FAM53A: variants seen among roughly 807,000 people sequenced by gnomAD.
FAM53A encodes the protein protein FAM53A.
A neutral mutation model predicts 26.6 loss-of-function variants in FAM53A; 28 were observed. That is an observed-to-expected ratio of 1.05 (90% CI 0.78 to 1.45). FAM53A has a LOEUF of 1.45. FAM53A is among the 40% of genes most tolerant of loss of function. The pLI is 0.00. For synonymous variants in FAM53A, 290 were observed against 253.1 expected, an observed-to-expected ratio of 1.15 and a Z score of -1.38; for missense variants, 650 against 575.8, an observed-to-expected ratio of 1.13 and a Z score of -1.32.
chr4:1,658,371 A>C (rs1713571737), intron 2 of FAM53A, among the ~76,000 whole-genome samples: 2 of 152,202 alleles, frequency 1.3e-5, no homozygotes, highest in African/African-American at 2.4e-5. Context: ...CTGCTCCTGA[A>C]GCTCAGGCCC....
At chr4:1,656,370 G>A (rs1489410032) in intron 3 of FAM53A, among the ~76,000 whole-genome samples, 2 of 152,238 alleles carry the variant, frequency 1.3e-5, no homozygotes, top group East Asian at 3.8e-4. Flanking sequence ...CCAGGTGCAT[G>A]GGCCTGGCAT....
the FAM53A span, among the ~76,000 whole-genome samples, chr4:1,588,582 T>A: frequency 6.6e-6 from 1 of 152,278 alleles, no homozygotes; most frequent in African/African-American, 2.4e-5. Context: ...CTTCCACCAA[T>A]GCCAGTAAGG....
intron 1 of FAM53A, among the ~76,000 whole-genome samples, chr4:1,670,500 G>A (rs1306263702): frequency 6.6e-6 from 1 of 152,220 alleles, no homozygotes; most frequent in East Asian, 1.9e-4. Context: ...CCTGACGGGT[G>A]CCACCCACCC....
chr4:1,595,868 C>T, the FAM53A span, among the ~76,000 whole-genome samples: 1 of 152,146 alleles, frequency 6.6e-6, no homozygotes, highest in African/African-American at 2.4e-5. Flanking sequence ...GAGGAGAGTC[C>T]CACCCCAGAG....
chr4:1,623,731 G>A (rs550474086), intron 1 of FAM53A, among the ~76,000 whole-genome samples: 16 of 152,376 alleles, frequency 1.1e-4, no homozygotes, highest in South Asian at 1.0e-3. Context: ...TGCGGCCGCC[G>A]CGGATCGGAC....
the FAM53A span, among the ~76,000 whole-genome samples, chr4:1,590,998 ATAT>A: frequency 8.0e-6 from 1 of 125,522 alleles, no homozygotes; most frequent in Non-Finnish European, 1.6e-5. Flanking sequence ...ATATATATAT[ATAT>A]AATCATTCTA....
intron 4 of FAM53A, among the ~76,000 whole-genome samples, chr4:1,651,905 G>A (rs1192733141): frequency 6.6e-6 from 1 of 151,786 alleles, no homozygotes; most frequent in Non-Finnish European, 1.5e-5. Context: ...CACACAGCGG[G>A]GGTTTCTCCT....
At chr4:1,627,843 GCT>G (rs1312599362) in intron 1 of FAM53A, among the ~76,000 whole-genome samples, 1 of 151,950 alleles carries the variant, frequency 6.6e-6, no homozygotes, top group Non-Finnish European at 1.5e-5. Context: ...GGGGCCTGGA[GCT>G]TGAGCCATGA....
intron 2 of FAM53A, among the ~76,000 whole-genome samples, chr4:1,667,127 CA>C (rs570780273): frequency 1.7e-3 from 215 of 130,054 alleles, no homozygotes; most frequent in Middle Eastern, 4.0e-3. Context: ...GACTCCATCT[CA>C]AAAAAAAAAA....
chr4:1,668,148 C>CTT lies in FAM53A; in HGVS notation c.75+517_75+518dup, dbSNP rs71167745. On this transcript the variant is annotated intron_variant, in intron 2 of 4. Transcript: ENST00000308132. Reference sequence around the variant, plus strand: ...TTTTTTTAAATAGCAAGTCAAGGCTCTTTTTTTTTTTGAGACGGAGTCTCG... The same window carrying CTT: ...TTTTTTTAAATAGCAAGTCAAGGCTCTTTTTTTTTTTTTGAGACGGAGTCTCG... Among the ~76,000 whole-genome samples the CTT allele has an allele frequency of 2.6e-3, 383 of 147,976 alleles. 2 individuals are homozygous for CTT. Among genetic ancestry groups the CTT allele is most frequent in the Middle Eastern group, 7.1e-3 (2 of 280 alleles).
intron 1 of FAM53A, among the ~76,000 whole-genome samples, chr4:1,626,627 G>A (rs1345368183): frequency 6.7e-6 from 1 of 148,834 alleles, no homozygotes; most frequent in Non-Finnish European, 1.5e-5. Flanking sequence ...GGGGGACCCG[G>A]GACAGTGTAA....
chr4:1,674,922 C>A (rs1441566866), intron 1 of FAM53A, among the ~76,000 whole-genome samples: 1 of 152,182 alleles, frequency 6.6e-6, no homozygotes, highest in Non-Finnish European at 1.5e-5. Context: ...TGAGGGAAGT[C>A]TGGGGAAGGA....
chr4:1,684,197 G>C (rs896695340), intron 1 of FAM53A, 36 bp downstream of exon 1: 1 of 151,748 alleles, frequency 6.6e-6, no homozygotes, highest in East Asian at 1.9e-4. Context: ...GACAAGAGAG[G>C]AGGGGGCGGC....
intron 1 of FAM53A, among the ~76,000 whole-genome samples, chr4:1,629,390 C>T (rs773205566): frequency 5.9e-5 from 9 of 152,208 alleles, no homozygotes; most frequent in Non-Finnish European, 1.0e-4. Context: ...CCAGGGAAAG[C>T]GGAGCCTGGG....
At chr4:1,683,536 A>G (rs1321541131) in intron 1 of FAM53A, 1 of 152,280 alleles carries the variant, frequency 6.6e-6, no homozygotes, top group Non-Finnish European at 1.5e-5. Context: ...AGCCACGAGC[A>G]CATTCTTGAA....
chr4:1,603,669 C>T, the FAM53A span, among the ~76,000 whole-genome samples: 26 of 152,352 alleles, frequency 1.7e-4, no homozygotes, highest in African/African-American at 6.3e-4. Context: ...ACACGGCTCC[C>T]ACCAGGTAGC....
chr4:1,577,623 T>A, the FAM53A span, among the ~76,000 whole-genome samples: 6 of 152,230 alleles, frequency 3.9e-5, no homozygotes, highest in Admixed American at 3.3e-4. Context: ...CGGCTGCCTG[T>A]TGTGCGCCAA....
chr4:1,582,335 C>A, the FAM53A span, among the ~76,000 whole-genome samples: 1 of 152,208 alleles, frequency 6.6e-6, no homozygotes, highest in African/African-American at 2.4e-5. Context: ...CACGGCGTTC[C>A]TCCTGGACCC....
chr4:1,668,529 G>C, intron 2 of FAM53A, 138 bp downstream of exon 2: 1 of 818,616 alleles, frequency 1.2e-6, no homozygotes, highest in Non-Finnish European at 1.9e-6. Context: ...ATGTGCACCA[G>C]ACACCCCCAT....
Sources: gnomAD v4.1 joint callset for allele counts (sites outside exome capture counted in the v4.1 genomes callset) on GRCh38, gnomAD v4.1.1 for gene constraint, MANE v1.5 for transcripts, NCBI Gene and HGNC (gene_info 2026-07-23, HGNC 2026-07-21) for gene names.